FBN2: variants seen among roughly 807,000 people sequenced by gnomAD.
FBN2 encodes fibrillin 2, also known as fibrillin-2.
A neutral mutation model predicts 355.6 loss-of-function variants in FBN2; 105 were observed. The ratio of observed to expected loss-of-function variants is 0.30; its 90% CI spans 0.25 to 0.35. The LOEUF (loss-of-function observed/expected upper bound fraction) is 0.35, where lower values mean the gene tolerates loss of function less well. Among genes scored for constraint, FBN2 ranks in the 10% least tolerant of loss-of-function variants. The pLI, the probability that FBN2 is intolerant of heterozygous loss-of-function variation, is 1.00. For missense variants in FBN2, 3,280 were observed against 3,758.7 expected, an observed-to-expected ratio of 0.87 and a Z score of 3.33; for synonymous variants, 1,350 against 1,301.2, an observed-to-expected ratio of 1.04 and a Z score of -0.81.
At chr5:128,370,531 C>T (rs530485757) in intron 15 of FBN2, among the ~76,000 whole-genome samples, 2 of 152,030 alleles carry the variant, frequency 1.3e-5, no homozygotes, top group South Asian at 2.1e-4. Context: ...ACTTGTGCTG[C>T]CTCTGCTGTG....
intron 5 of FBN2, among the ~76,000 whole-genome samples, chr5:128,489,169 C>G (rs560166551): frequency 2.0e-5 from 3 of 152,058 alleles, no homozygotes; most frequent in Non-Finnish European, 4.4e-5. Flanking sequence ...CTGTTGTTTC[C>G]TGACTTTTTA....
chr5:128,484,958 C>G (rs138327998), intron 5 of FBN2, among the ~76,000 whole-genome samples: 3 of 152,080 alleles, frequency 2.0e-5, no homozygotes, highest in African/African-American at 7.2e-5. Context: ...AAGATACATA[C>G]GCATATAACC....
At chr5:128,372,099 C>T (rs1028528701) in intron 15 of FBN2, among the ~76,000 whole-genome samples, 9 of 152,128 alleles carry the variant, frequency 5.9e-5, no homozygotes, top group Admixed American at 4.6e-4. Flanking sequence ...CCATTCAAAG[C>T]TTTATTTAAT....
At chr5:128,398,960 A>G (rs1261424010) in intron 8 of FBN2, among the ~76,000 whole-genome samples, 1 of 152,196 alleles carries the variant, frequency 6.6e-6, no homozygotes, top group Non-Finnish European at 1.5e-5. Context: ...GCCATATGGA[A>G]CTGTAAGTCC....
At chr5:128,508,059 T>A (rs1036838125) in intron 5 of FBN2, among the ~76,000 whole-genome samples, 2 of 152,088 alleles carry the variant, frequency 1.3e-5, no homozygotes, top group Non-Finnish European at 2.9e-5. Context: ...CTCTGAAATC[T>A]TCTTTGTCTG....
intron 5 of FBN2, among the ~76,000 whole-genome samples, chr5:128,493,892 G>C (rs1755578740): frequency 6.6e-6 from 1 of 152,190 alleles, no homozygotes; most frequent in Non-Finnish European, 1.5e-5. Context: ...GAGGTTTTTA[G>C]CTTGGATAAC....
chr5:128,378,948 T>C, intron 11 of FBN2, 58 bp from the exon 12 acceptor site: 1 of 1,599,558 alleles, frequency 6.3e-7, no homozygotes, highest in South Asian at 1.1e-5. Flanking sequence ...AATGTTTGTT[T>C]AAAGTACATT....
intron 32 of FBN2, 139 bp from the exon 33 acceptor site, chr5:128,330,834 T>C: frequency 2.1e-6 from 2 of 970,718 alleles, no homozygotes; most frequent in Non-Finnish European, 3.2e-6. Flanking sequence ...TCTAATTCGC[T>C]AAGCTCTCAG....
intron 6 of FBN2, among the ~76,000 whole-genome samples, chr5:128,447,864 G>C (rs191260415): frequency 3.9e-5 from 6 of 152,160 alleles, no homozygotes; most frequent in Non-Finnish European, 8.8e-5. Context: ...CCAACACTTA[G>C]GGAAATAGAA....
chr5:128,518,340 TG>T (rs1289343471), intron 5 of FBN2, among the ~76,000 whole-genome samples: 3 of 152,172 alleles, frequency 2.0e-5, no homozygotes, highest in East Asian at 3.8e-4. Flanking sequence ...CATAGTAAAT[TG>T]GTTTCACATT....
In FBN2 at chr5:128,527,871, C is replaced by T. The variant is rs759689709; in HGVS notation, c.532+1G>A. The T allele has an allele frequency of 9.5e-6, 15 of 1,584,856 alleles. No homozygotes were observed. Among genetic ancestry groups the T allele is most frequent in the Non-Finnish European group, 1.2e-5 (14 of 1,153,936 alleles). On this transcript the variant is annotated splice_donor_variant, in intron 4 of 64. Coordinates refer to ENST00000262464, the MANE Select transcript of FBN2 (RefSeq NM_001999.4). LOFTEE classifies it high-confidence loss of function. The stretch of plus-strand genomic sequence containing the variant: ...ATTTCTAATAAATCAATGTCCCTTA[C>T]GTTGTCCACAATAAGTTCCAATATA...
In FBN2 at chr5:128,272,901, C is replaced by T. The variant is rs181353629; in HGVS notation, c.7841-783G>A. On this transcript the variant is annotated intron_variant, in intron 61 of 64. Coordinates refer to ENST00000262464, the MANE Select transcript of FBN2 (RefSeq NM_001999.4). ...AGCTGTAGGTTAAGAATACTTTCAACGTCTCAACGATTTGAAAGATAAAAT... is the reference window on the plus strand; with the variant it reads ...AGCTGTAGGTTAAGAATACTTTCAATGTCTCAACGATTTGAAAGATAAAAT... Among the ~76,000 whole-genome samples, 281 of 152,080 alleles carry T rather than the reference C, an allele frequency of 1.8e-3. 1 individual carries two copies. The highest frequency in any genetic ancestry group is 0.01 in the Middle Eastern group (3 of 294).
intron 55 of FBN2, among the ~76,000 whole-genome samples, chr5:128,281,455 C>G (rs1017285718): frequency 6.6e-6 from 1 of 152,136 alleles, no homozygotes; most frequent in Non-Finnish European, 1.5e-5. Flanking sequence ...TGAAAGCTCT[C>G]GGCCATAGTA....
chr5:128,424,262 G>T (rs532674124), intron 7 of FBN2, among the ~76,000 whole-genome samples: 3 of 152,192 alleles, frequency 2.0e-5, no homozygotes, highest in South Asian at 2.1e-4. Context: ...AAATGCAAAA[G>T]GTCCATCTGG....
intron 7 of FBN2, among the ~76,000 whole-genome samples, chr5:128,416,079 T>G (rs973529869): frequency 6.7e-6 from 1 of 149,820 alleles, no homozygotes; most frequent in African/African-American, 2.5e-5. Flanking sequence ...CAGGCTGGAG[T>G]GCAATGGGGC....
intron 11 of FBN2, among the ~76,000 whole-genome samples, chr5:128,385,930 C>T (rs916845120): frequency 4.0e-5 from 6 of 151,878 alleles, no homozygotes; most frequent in African/African-American, 1.2e-4. Context: ...GGATATTAGA[C>T]CACTGTCAGA....
intron 2 of FBN2, among the ~76,000 whole-genome samples, chr5:128,531,198 C>G (rs867109993): frequency 6.6e-6 from 1 of 151,674 alleles, no homozygotes; most frequent in Non-Finnish European, 1.5e-5. Context: ...ATATATATAT[C>G]ACCATATATA....
At chr5:128,399,285 G>A (rs993850585) in intron 8 of FBN2, among the ~76,000 whole-genome samples, 1 of 152,122 alleles carries the variant, frequency 6.6e-6, no homozygotes, top group Non-Finnish European at 1.5e-5. Flanking sequence ...CACCTGCTGA[G>A]AAACGGTATT....
At chr5:128,341,506 A>G (rs1751020081) in intron 25 of FBN2, among the ~76,000 whole-genome samples, 1 of 152,194 alleles carries the variant, frequency 6.6e-6, no homozygotes, top group South Asian at 2.1e-4. Context: ...TGTCGCTGGC[A>G]GAAAGCCCTC....
Sources: gnomAD v4.1 joint callset for allele counts (sites outside exome capture counted in the v4.1 genomes callset) on GRCh38, gnomAD v4.1.1 for gene constraint, MANE v1.5 for transcripts, NCBI Gene and HGNC (gene_info 2026-07-23, HGNC 2026-07-21) for gene names.